ALPK2: variants seen among roughly 807,000 people sequenced by gnomAD.
The protein encoded by ALPK2 is alpha-protein kinase 2.
In ALPK2, 127 loss-of-function variants were observed where a neutral mutation model predicts 163.1. That is an observed-to-expected ratio of 0.78 (90% CI 0.67 to 0.90). The LOEUF is 0.90. Ranked by LOEUF, ALPK2 falls within the 40% of genes least tolerant of loss-of-function variation. The pLI is 0.00. For missense variants in ALPK2, 2,360 were observed against 2,589.6 expected, an observed-to-expected ratio of 0.91 and a Z score of 1.92; for synonymous variants, 953 against 959.1, an observed-to-expected ratio of 0.99 and a Z score of 0.12.
rs1568079144 is a variant in ALPK2 at position 58,537,876 on chromosome 18, GCT to G, written c.2309_2310del (p.Glu770AlafsTer10). On this transcript the variant is annotated frameshift_variant, in exon 5 of 13. Coordinates refer to ENST00000361673, the MANE Select transcript of ALPK2 (RefSeq NM_052947.4). LOFTEE classifies it high-confidence loss of function. ...LPKDARADFR[E>X]PVAVSVASPE... ...GGGGAAGCAACAGAGACAGCCACAG[GCT>G]CCCTGAAGTCAGCACGAGCATCCTT... 6.2e-7 allele frequency: 1 copy of G among 1,614,048 alleles called. No homozygotes were observed. The highest frequency in any genetic ancestry group is 8.5e-7 in the Non-Finnish European group (1 of 1,180,036).
intron 1 of ALPK2, among the ~76,000 whole-genome samples, chr18:58,622,771 C>T (rs1366876372): frequency 1.3e-5 from 2 of 152,194 alleles, no homozygotes; most frequent in East Asian, 1.9e-4. Flanking sequence ...GCTCGTTTTC[C>T]TCTTATCCTC....
At chr18:58,620,826 A>G (rs1223916289) in intron 1 of ALPK2, among the ~76,000 whole-genome samples, 1 of 152,218 alleles carries the variant, frequency 6.6e-6, no homozygotes, top group Non-Finnish European at 1.5e-5. Context: ...AAAGAATGGA[A>G]TCTTTTTTTC....
Position 58,535,731 on chromosome 18 carries a change from C to G in ALPK2, c.4456G>C (p.Glu1486Gln), listed in dbSNP as rs2051641758. 1 of 1,614,102 alleles carries G rather than the reference C, an allele frequency of 6.2e-7. No homozygotes were observed. Among genetic ancestry groups the G allele is most frequent in the Non-Finnish European group, 8.5e-7 (1 of 1,180,030 alleles). The change falls in exon 5 of 13, where the codon GAG (glutamate) becomes CAG (glutamine). Residue 1486 changes from glutamate (E) to glutamine (Q), a missense_variant. Glu to Gln is a conservative substitution (Grantham distance 29, BLOSUM62 2). Coordinates refer to ENST00000361673, the MANE Select transcript of ALPK2 (RefSeq NM_052947.4). ...ACTTGCCAAATGGCAGTTTTTGCCT[C>G]CTCAGGTTGAATTTGTTCAGCCTCC... ...KQEAEQIQPE[E>Q]AKTAIWQVLQ...
chr18:58,514,148 G>T (rs62094745), intron 10 of ALPK2, among the ~76,000 whole-genome samples: 35,198 of 152,124 alleles, frequency 0.23, 4,620 homozygotes, highest in South Asian at 0.41. Context: ...ATTGTAAGTG[G>T]GTACTGAAGT....
intron 12 of ALPK2, among the ~76,000 whole-genome samples, chr18:58,487,451 C>T (rs746548816): frequency 6.6e-6 from 1 of 152,192 alleles, no homozygotes; most frequent in Non-Finnish European, 1.5e-5. Flanking sequence ...GCCCCCAGAA[C>T]TGTGAGACAA....
At chr18:58,578,640 G>T in intron 4 of ALPK2, 174 bp downstream of exon 4, 1 of 591,866 alleles carries the variant, frequency 1.7e-6, no homozygotes, top group South Asian at 3.1e-5. Flanking sequence ...CCGAGCAGCA[G>T]CAGCTGTCAT....
chr18:58,523,806 C>G lies in ALPK2; in HGVS notation c.5665G>C (p.Gly1889Arg). ...KQLSSRQDTK[G>R]CEEIEFSQLI... ...GGCAGGTCAACCCTAACTGACTTAC[C>G]TTTAGTATCCTGGCGACTTGACAGC... Residue 1889 changes from glycine to arginine, a missense_variant and splice_region_variant, in exon 8 of 13, where the codon GGA (glycine) becomes CGA (arginine). Gly to Arg is a moderately radical substitution (Grantham distance 125, BLOSUM62 -2). Transcript: ENST00000361673. 6.2e-7 allele frequency: 1 copy of G among 1,614,174 alleles called. No homozygotes were observed.
Position 58,536,541 on chromosome 18 carries a change from C to G in ALPK2, c.3646G>C (p.Asp1216His), listed in dbSNP as rs868232744. Reference protein sequence around the residue: ...QALSNVPSLSDILLEESKEYR... With the variant: ...QALSNVPSLSHILLEESKEYR... Reference sequence around the variant, plus strand: ...TCTTTAGACTCTTCCAAAAGGATATCAGAGAGAGATGGAACGTTGCTCAGA... The same window carrying G: ...TCTTTAGACTCTTCCAAAAGGATATGAGAGAGAGATGGAACGTTGCTCAGA... The change falls in exon 5 of 13, where the codon GAT (aspartate) becomes CAT (histidine). Residue 1216 changes from aspartate to histidine, a missense_variant. Coordinates refer to ENST00000361673, the MANE Select transcript of ALPK2 (RefSeq NM_052947.4). The G allele has an allele frequency of 1.1e-5, 18 of 1,613,760 alleles. No homozygotes were observed. Among genetic ancestry groups the G allele is most frequent in the Non-Finnish European group, 1.5e-5 (18 of 1,180,030 alleles).
At chr18:58,548,815 G>C (rs1265297743) in intron 4 of ALPK2, among the ~76,000 whole-genome samples, 4 of 152,166 alleles carry the variant, frequency 2.6e-5, no homozygotes, top group Non-Finnish European at 4.4e-5. Flanking sequence ...AATGAGCATG[G>C]TAAATGCTCA....
chr18:58,499,945 G>A (rs1568067091), intron 11 of ALPK2, among the ~76,000 whole-genome samples: 1 of 152,236 alleles, frequency 6.6e-6, no homozygotes, highest in Admixed American at 6.5e-5. Context: ...TGAGGCCCAG[G>A]AAAAGACAGC....
At chr18:58,626,458 C>T (rs1409519980) in intron 1 of ALPK2, among the ~76,000 whole-genome samples, 2 of 152,164 alleles carry the variant, frequency 1.3e-5, no homozygotes, top group African/African-American at 4.8e-5. Context: ...CTCCCGCCCC[C>T]ACCTCTCTCA....
At chr18:58,494,383 C>G (rs1292437292) in intron 12 of ALPK2, among the ~76,000 whole-genome samples, 3 of 152,092 alleles carry the variant, frequency 2.0e-5, no homozygotes, top group Admixed American at 2.0e-4. Flanking sequence ...AAGGAACATA[C>G]AATGAAGTAA....
chr18:58,571,130 T>A (rs2051883655), intron 4 of ALPK2, among the ~76,000 whole-genome samples: 1 of 152,108 alleles, frequency 6.6e-6, no homozygotes, highest in Non-Finnish European at 1.5e-5. Context: ...CAAGCAATTC[T>A]CCTACCTCAG....
At chr18:58,525,731 G>A (rs942264470) in intron 6 of ALPK2, among the ~76,000 whole-genome samples, 3 of 152,128 alleles carry the variant, frequency 2.0e-5, no homozygotes, top group African/African-American at 7.2e-5. Context: ...CCGCTCAGAT[G>A]TGTCATGAGG....
intron 3 of ALPK2, among the ~76,000 whole-genome samples, chr18:58,587,344 T>C (rs1173640666): frequency 1.3e-5 from 2 of 152,216 alleles, no homozygotes; most frequent in Non-Finnish European, 2.9e-5. Flanking sequence ...TTGTTTAAAA[T>C]GTCCAGTTTT....
At chr18:58,506,395 C>T in intron 10 of ALPK2, among the ~76,000 whole-genome samples, 1 of 151,856 alleles carries the variant, frequency 6.6e-6, no homozygotes, top group East Asian at 1.9e-4. Flanking sequence ...AAAATAAAAA[C>T]CAACCACAAT....
intron 3 of ALPK2, among the ~76,000 whole-genome samples, chr18:58,581,631 C>T (rs982163692): frequency 6.6e-6 from 1 of 152,246 alleles, no homozygotes; most frequent in African/African-American, 2.4e-5. Context: ...TGGAACTCTT[C>T]TCCAGACACT....
In ALPK2 at chr18:58,573,262, GTGTA is replaced by G. The variant is rs1568089335; in HGVS notation, c.1962+5548_1962+5551del. Among the ~76,000 whole-genome samples, 135 of 132,460 alleles carry G rather than the reference GTGTA, an allele frequency of 1.0e-3. 10 individuals carry two copies. The highest frequency in any genetic ancestry group is 1.6e-3 in the Non-Finnish European group (100 of 61,596). The allele number at this position is 132,460 out of a possible 152,430, so 86.9% of individuals were successfully genotyped here. ...TATATATGTGTATATATGTATATAT[GTGTA>G]TATATATGTATATATGTGTATATAT... On this transcript the variant is annotated intron_variant, in intron 4 of 12. Coordinates refer to ENST00000361673, the MANE Select transcript of ALPK2 (RefSeq NM_052947.4).
chr18:58,548,082 A>G (rs976482329), intron 4 of ALPK2, among the ~76,000 whole-genome samples: 3 of 152,226 alleles, frequency 2.0e-5, no homozygotes, highest in South Asian at 2.1e-4. Context: ...ACTTGTCACG[A>G]TTACTACACT....
Sources: gnomAD v4.1 joint callset for allele counts (sites outside exome capture counted in the v4.1 genomes callset) on GRCh38, gnomAD v4.1.1 for gene constraint, MANE v1.5 for transcripts, NCBI Gene and HGNC (gene_info 2026-07-23, HGNC 2026-07-21) for gene names.